PLAG1: variants seen among roughly 807,000 people sequenced by gnomAD.
PLAG1 encodes PLAG1 zinc finger, also known as zinc finger protein PLAG1.
Under a neutral mutation model 35.5 loss-of-function variants are expected in PLAG1, and 7 were observed. The observed-to-expected ratio is 0.20, with a 90% confidence interval of 0.11 to 0.37. The LOEUF (loss-of-function observed/expected upper bound fraction) is 0.37. PLAG1 is among the 10% of genes least tolerant of loss of function. PLAG1 has a pLI of 1.00. For missense variants in PLAG1, 454 were observed against 602.8 expected, an observed-to-expected ratio of 0.75 and a Z score of 2.58; for synonymous variants, 229 against 225.4, an observed-to-expected ratio of 1.02 and a Z score of -0.14.
At position 56,172,310 on chromosome 8, in the gene PLAG1, A is replaced by T. The variant is rs375081115; in HGVS notation, c.-216-1121T>A. Among the ~76,000 whole-genome samples the T allele has an allele frequency of 2.2e-4, 33 of 152,302 alleles. No homozygotes were observed. The East Asian group carries it at 6.2e-3, about 28-fold the overall frequency. On this transcript the variant is annotated intron_variant, in intron 2 of 4. Transcript: ENST00000316981. ...GAAAGCAGCATTTTTTTATAGTTTA[A>T]AAGACAAGAAAAGCAAAAATTTAGA...
At chr8:56,176,356 A>G (rs1348964242) in intron 2 of PLAG1, among the ~76,000 whole-genome samples, 1 of 130,484 alleles carries the variant, frequency 7.7e-6, no homozygotes, top group African/African-American at 2.9e-5. Flanking sequence ...CCCAACTGAA[A>G]GCTCCCTTCT....
chr8:56,173,083 C>A (rs1811578472), intron 2 of PLAG1, among the ~76,000 whole-genome samples: 1 of 151,988 alleles, frequency 6.6e-6, no homozygotes, highest in Non-Finnish European at 1.5e-5. Context: ...TTATTGCATT[C>A]TCAAATACAT....
Position 56,168,306 on chromosome 8 carries a change from G to C in PLAG1, c.-37C>G, listed in dbSNP as rs754665171. ...CCAGGCCTTCTTGTTGGACACTTGGGAACTGCCCAACTCCACTAAATGATA... is the reference window on the plus strand; with the variant it reads ...CCAGGCCTTCTTGTTGGACACTTGGCAACTGCCCAACTCCACTAAATGATA... On this transcript the variant is annotated 5_prime_UTR_variant, in exon 4 of 5. Transcript: ENST00000316981. 6 of 1,575,120 alleles carry C rather than the reference G, an allele frequency of 3.8e-6. No individual in the cohort carries two copies. The South Asian group carries it at 7.2e-5, about 19-fold the overall frequency.
In PLAG1 at chr8:56,179,457, T is replaced by C; in HGVS notation, c.-265A>G. ...GCAAGGCAACCTTATTAATAGACCGTCACAGAATGAAGCATTCTGGGTGCC... is the reference window on the plus strand; with the variant it reads ...GCAAGGCAACCTTATTAATAGACCGCCACAGAATGAAGCATTCTGGGTGCC... On this transcript the variant is annotated 5_prime_UTR_variant, in exon 2 of 5. Coordinates refer to ENST00000316981, the MANE Select transcript of PLAG1 (RefSeq NM_002655.3). 1 of 980,146 alleles carries C rather than the reference T, an allele frequency of 1.0e-6. No homozygotes were observed. The highest frequency in any genetic ancestry group is 1.2e-6 in the Non-Finnish European group (1 of 824,770). 60.7% of individuals were successfully genotyped at this position (980,146 alleles called of 1,614,324 possible).
rs527510685 is a variant in PLAG1 at position 56,207,502 on chromosome 8, A to G, written c.-322+3619T>C. On this transcript the variant is annotated intron_variant, in intron 1 of 4. Transcript: ENST00000316981. Reference sequence around the variant, plus strand: ...TTTATTTTGCTATAAATATCTATTTACTATTTACTAAAATATTTTGGTAAT... The same window carrying G: ...TTTATTTTGCTATAAATATCTATTTGCTATTTACTAAAATATTTTGGTAAT... Among the ~76,000 whole-genome samples, 2 of 152,124 alleles carry G rather than the reference A, an allele frequency of 1.3e-5. 1 individual carries two copies. The highest frequency in any genetic ancestry group is 4.8e-5 in the African/African-American group (2 of 41,520).
intron 1 of PLAG1, among the ~76,000 whole-genome samples, chr8:56,182,393 T>C (rs577139173): frequency 7.9e-4 from 121 of 152,298 alleles, no homozygotes; most frequent in Non-Finnish European, 1.5e-3. Context: ...GGTTAATTGC[T>C]GATAGAGCCT....
At chr8:56,196,646 G>A (rs1812376351) in intron 1 of PLAG1, among the ~76,000 whole-genome samples, 2 of 152,194 alleles carry the variant, frequency 1.3e-5, no homozygotes, top group East Asian at 1.9e-4. Context: ...AGTACCACAC[G>A]CATAGACGAG....
At chr8:56,173,551 C>T (rs1463723053) in intron 2 of PLAG1, among the ~76,000 whole-genome samples, 1 of 150,636 alleles carries the variant, frequency 6.6e-6, no homozygotes, top group African/African-American at 2.4e-5. Flanking sequence ...AAAAGTGCAA[C>T]AAAACTTGGT....
chr8:56,172,889 A>G (rs907805619), intron 2 of PLAG1, among the ~76,000 whole-genome samples: 1 of 152,230 alleles, frequency 6.6e-6, no homozygotes, highest in Non-Finnish European at 1.5e-5. Flanking sequence ...TAAGACTTAA[A>G]AAGTTTAAAA....
At chr8:56,178,014 C>T (rs1380540192) in intron 2 of PLAG1, 4 of 982,814 alleles carry the variant, frequency 4.1e-6, no homozygotes, top group East Asian at 1.1e-4. Context: ...CTCAGCCAGC[C>T]TGGACGTTTA....
At chr8:56,183,084 C>G (rs536176865) in intron 1 of PLAG1, among the ~76,000 whole-genome samples, 1 of 152,186 alleles carries the variant, frequency 6.6e-6, no homozygotes, top group East Asian at 1.9e-4. Flanking sequence ...AAGAGAAGCA[C>G]AGGAGTGTCC....
At chr8:56,185,882 T>C (rs1304100694) in intron 1 of PLAG1, among the ~76,000 whole-genome samples, 1 of 152,262 alleles carries the variant, frequency 6.6e-6, no homozygotes, top group Admixed American at 6.5e-5. Flanking sequence ...AAAATGTTCA[T>C]TAGCAGTTGC....
chr8:56,171,724 T>C (rs983538314), intron 2 of PLAG1, among the ~76,000 whole-genome samples: 8 of 152,204 alleles, frequency 5.3e-5, no homozygotes, highest in African/African-American at 1.9e-4. Flanking sequence ...TTCAGGATGC[T>C]GCAAGGATGG....
At chr8:56,179,725 C>T (rs889588230) in intron 1 of PLAG1, among the ~76,000 whole-genome samples, 4 of 151,948 alleles carry the variant, frequency 2.6e-5, no homozygotes, top group East Asian at 1.9e-4. Flanking sequence ...TATTTCCTCC[C>T]GAATCACAGT....
chr8:56,181,086 T>C (rs1167325839), intron 1 of PLAG1, among the ~76,000 whole-genome samples: 5 of 152,148 alleles, frequency 3.3e-5, no homozygotes, highest in Non-Finnish European at 4.4e-5. Context: ...GGAGAGGATG[T>C]GGAGAAATAG....
chr8:56,173,300 T>C (rs1041606196), intron 2 of PLAG1, among the ~76,000 whole-genome samples: 27 of 152,094 alleles, frequency 1.8e-4, no homozygotes, highest in African/African-American at 6.5e-4. Context: ...AATTTCTTAA[T>C]TTCCCTAAAT....
chr8:56,207,734 T>C (rs991715143), intron 1 of PLAG1, among the ~76,000 whole-genome samples: 2 of 152,122 alleles, frequency 1.3e-5, no homozygotes, highest in Non-Finnish European at 2.9e-5. Context: ...TGGTATAATT[T>C]AATAGCTTCA....
chr8:56,160,967 C>A lies in PLAG1; in HGVS notation c.*5276G>T, dbSNP rs1352170030. The A allele has an allele frequency of 5.6e-6, 1 of 178,782 alleles. No individual in the cohort carries two copies. Among genetic ancestry groups the A allele is most frequent in the African/African-American group, 2.4e-5 (1 of 42,304 alleles). 11.1% of individuals were successfully genotyped at this position (178,782 alleles called of 1,614,324 possible). On this transcript the variant is annotated 3_prime_UTR_variant, in exon 5 of 5. Coordinates refer to ENST00000316981, the MANE Select transcript of PLAG1 (RefSeq NM_002655.3). ...GTGGAATTCACATATCTTATTCTTA[C>A]AGCAAACATAACACTGTAGGCCACA...
intron 1 of PLAG1, among the ~76,000 whole-genome samples, chr8:56,187,510 T>C (rs556706873): frequency 6.6e-6 from 1 of 152,334 alleles, no homozygotes; most frequent in Non-Finnish European, 1.5e-5. Flanking sequence ...GGGAAAAACA[T>C]CTACCTTGCA....
Sources: allele counts gnomAD v4.1 joint callset (sites outside exome capture counted in the v4.1 genomes callset), GRCh38; gene constraint gnomAD v4.1.1; transcripts MANE v1.5; gene names NCBI Gene and HGNC (gene_info 2026-07-23, HGNC 2026-07-21).